The following GABRB2 variants were observed in gnomAD, a reference collection of about 807,000 sequenced individuals.
The protein encoded by GABRB2 is gamma-aminobutyric acid type A receptor subunit beta2, also known as gamma-aminobutyric acid receptor subunit beta-2.
A neutral mutation model predicts 54.7 loss-of-function variants in GABRB2; 16 were observed. The observed-to-expected ratio is 0.29, with a 90% CI of 0.20 to 0.44. GABRB2 has a LOEUF of 0.44. Ranked by LOEUF, GABRB2 falls within the 20% of genes least tolerant of loss-of-function variation. GABRB2 has a pLI of 1.00. For synonymous variants in GABRB2, 244 were observed against 233.8 expected (o/e 1.04, Z -0.40); for missense variants, 355 against 644.0 (o/e 0.55, Z 4.86).
chr5:161,531,086 A>G (rs1217846459), intron 3 of GABRB2, among the ~76,000 whole-genome samples: 5 of 152,188 alleles, frequency 3.3e-5, no homozygotes, highest in South Asian at 2.1e-4. Flanking sequence ...AATAATAAAC[A>G]AAAGTATCTA....
rs1454673477 is a variant in GABRB2, at chr5:161,293,229, G to T, written c.*852C>A. Reference sequence around the variant, plus strand: ...AAACAATCTCTCTTACTCACCCTCTGCCACTAGACACAGTATGTATAGACC... The same window carrying T: ...AAACAATCTCTCTTACTCACCCTCTTCCACTAGACACAGTATGTATAGACC... On this transcript the variant is annotated 3_prime_UTR_variant, in exon 10 of 10. Coordinates refer to ENST00000393959, the MANE Select transcript of GABRB2 (RefSeq NM_001371727.1). 3 of 152,132 alleles carry T rather than the reference G, an allele frequency of 2.0e-5. No homozygotes were observed. The highest frequency in any genetic ancestry group is 7.2e-5 in the African/African-American group (3 of 41,420). The allele number at this position is 152,132 out of a possible 1,614,324, so 9.4% of individuals were successfully genotyped here. A position where few individuals can be genotyped will look rare whatever the true frequency, so the allele number is the denominator to read the frequency against.
intron 3 of GABRB2, among the ~76,000 whole-genome samples, chr5:161,483,740 T>C (rs1392971620): frequency 1.3e-5 from 2 of 152,008 alleles, no homozygotes; most frequent in African/African-American, 4.8e-5. Context: ...AATATATTTA[T>C]GGTTTTGACT....
intron 5 of GABRB2, among the ~76,000 whole-genome samples, chr5:161,348,535 T>TATGAAGAAAGTGTTGACC (rs1754382123): frequency 6.6e-6 from 1 of 151,932 alleles, no homozygotes; most frequent in South Asian, 2.1e-4. Context: ...TTGTTTTTGT[T>TATGAAGAAAGTGTTGACC]ATGAAGAAAG....
intron 9 of GABRB2, among the ~76,000 whole-genome samples, chr5:161,298,344 T>G (rs1393378844): frequency 6.6e-6 from 1 of 152,204 alleles, no homozygotes; most frequent in Non-Finnish European, 1.5e-5. Flanking sequence ...AATCATGAAA[T>G]CTTTGCCCGT....
chr5:161,484,232 A>G (rs1758850907), intron 3 of GABRB2, among the ~76,000 whole-genome samples: 1 of 151,982 alleles, frequency 6.6e-6, no homozygotes, highest in South Asian at 2.1e-4. Flanking sequence ...CATCAGCACA[A>G]AAATATTTAG....
At chr5:161,521,327 G>C (rs980562208) in intron 3 of GABRB2, among the ~76,000 whole-genome samples, 1 of 151,934 alleles carries the variant, frequency 6.6e-6, no homozygotes, top group South Asian at 2.1e-4. Flanking sequence ...CTTGCTTCCT[G>C]AATCAGTAAG....
chr5:161,520,866 C>T (rs776490239), intron 3 of GABRB2, among the ~76,000 whole-genome samples: 5 of 152,040 alleles, frequency 3.3e-5, no homozygotes, highest in Non-Finnish European at 5.9e-5. Flanking sequence ...CTCATCACAG[C>T]TTGCCATATT....
intron 5 of GABRB2, among the ~76,000 whole-genome samples, chr5:161,357,257 A>G (rs149554151): frequency 6.6e-6 from 1 of 152,246 alleles, no homozygotes; most frequent in Non-Finnish European, 1.5e-5. Flanking sequence ...AAATGGATGA[A>G]GGCCTCAGTT....
intron 3 of GABRB2, among the ~76,000 whole-genome samples, chr5:161,463,545 ATATTTTTATT>A (rs1427826744): frequency 3.3e-5 from 2 of 61,280 alleles, no homozygotes; most frequent in African/African-American, 5.6e-5. Flanking sequence ...GTGATTCCAA[ATATTTTTATT>A]TATATATATA....
intron 3 of GABRB2, among the ~76,000 whole-genome samples, chr5:161,485,674 C>T (rs1488982504): frequency 1.3e-5 from 2 of 151,948 alleles, no homozygotes; most frequent in African/African-American, 2.4e-5. Flanking sequence ...TACTGACCTA[C>T]CCCTTCTAAG....
At chr5:161,490,759 C>T (rs945042542) in intron 3 of GABRB2, among the ~76,000 whole-genome samples, 9 of 151,858 alleles carry the variant, frequency 5.9e-5, no homozygotes, top group South Asian at 2.1e-4. Flanking sequence ...AATAAAAACA[C>T]GTAAGTGCCT....
intron 4 of GABRB2, among the ~76,000 whole-genome samples, chr5:161,439,835 G>A (rs1048268361): frequency 1.3e-5 from 2 of 151,954 alleles, no homozygotes; most frequent in African/African-American, 4.8e-5. Context: ...GGGGTAGGGG[G>A]AGGGAGGGCA....
intron 9 of GABRB2, among the ~76,000 whole-genome samples, chr5:161,310,137 G>A (rs1757818632): frequency 6.6e-6 from 1 of 152,026 alleles, no homozygotes; most frequent in African/African-American, 2.4e-5. Context: ...ACATTGAGGG[G>A]AACAACACAC....
chr5:161,454,452 C>T (rs890909791), intron 4 of GABRB2, among the ~76,000 whole-genome samples: 8 of 152,268 alleles, frequency 5.3e-5, no homozygotes, highest in African/African-American at 1.4e-4. Flanking sequence ...CCATTCCTTT[C>T]AATGCACTTG....
At chr5:161,376,898 T>C (rs1428509849) in intron 5 of GABRB2, among the ~76,000 whole-genome samples, 1 of 151,660 alleles carries the variant, frequency 6.6e-6, no homozygotes, top group African/African-American at 2.4e-5. Context: ...CTTGGGTATA[T>C]ATAACAAAAA....
intron 4 of GABRB2, among the ~76,000 whole-genome samples, chr5:161,420,418 T>C (rs1291688682): frequency 1.3e-5 from 2 of 152,230 alleles, no homozygotes; most frequent in Admixed American, 1.3e-4. Context: ...AATCTACCTT[T>C]AACCACCAAG....
chr5:161,545,170 C>T, intron 3 of GABRB2, 57 bp downstream of exon 3: 1 of 1,400,966 alleles, frequency 7.1e-7, no homozygotes, highest in Non-Finnish European at 9.9e-7. Flanking sequence ...GCTCATTTCT[C>T]CTTCCTGTCC....
chr5:161,409,454 T>C (rs1756442885), intron 5 of GABRB2, among the ~76,000 whole-genome samples: 2 of 152,104 alleles, frequency 1.3e-5, no homozygotes, highest in African/African-American at 4.8e-5. Flanking sequence ...ATCCATTCTT[T>C]AAAATAAAGA....
chr5:161,522,123 T>C (rs1317990374), intron 3 of GABRB2, among the ~76,000 whole-genome samples: 1 of 151,858 alleles, frequency 6.6e-6, no homozygotes, highest in African/African-American at 2.4e-5. Context: ...ATTTTCTGTA[T>C]ATGAATCTTG....
Sources: allele counts gnomAD v4.1 joint callset (sites outside exome capture counted in the v4.1 genomes callset), GRCh38; gene constraint gnomAD v4.1.1; transcripts MANE v1.5; gene names NCBI Gene and HGNC (gene_info 2026-07-23, HGNC 2026-07-21).